Variants in SNX16 observed in about 807,000 individuals in gnomAD.
SNX16 encodes sorting nexin 16, also known as sorting nexin-16.
In SNX16, 35 loss-of-function variants were observed where a neutral mutation model predicts 36.7. The ratio of observed to expected loss-of-function variants is 0.95; its 90% CI spans 0.73 to 1.27. The LOEUF (loss-of-function observed/expected upper bound fraction) is 1.27. Ranked by LOEUF, SNX16 falls within the 50% of genes most tolerant of loss-of-function variation. The pLI is 0.00. For missense variants in SNX16, 367 were observed against 393.6 expected, an observed-to-expected ratio of 0.93 and a Z score of 0.57; for synonymous variants, 134 against 132.0, an observed-to-expected ratio of 1.02 and a Z score of -0.10.
chr8:81,807,824 C>G (rs61735737), intron 5 of SNX16: 4 of 756,644 alleles, frequency 5.3e-6, no homozygotes, highest in Non-Finnish European at 7.4e-6. Context: ...AAGCTTTTCA[C>G]TGGAAGGTTG....
chr8:81,827,293 T>A (rs1563449084), intron 3 of SNX16, among the ~76,000 whole-genome samples: 1 of 152,064 alleles, frequency 6.6e-6, no homozygotes, highest in African/African-American at 2.4e-5. Flanking sequence ...AATAACAGTA[T>A]AGTCTGAAAA....
At chr8:81,816,999 A>G (rs772333860) in intron 4 of SNX16, among the ~76,000 whole-genome samples, 11 of 152,168 alleles carry the variant, frequency 7.2e-5, no homozygotes, top group Non-Finnish European at 1.0e-4. Context: ...TCTGATGTAG[A>G]TATTATGCTT....
intron 1 of SNX16, among the ~76,000 whole-genome samples, chr8:81,841,345 A>AAAC (rs1471773112): frequency 1.3e-5 from 2 of 151,496 alleles, no homozygotes; most frequent in Non-Finnish European, 2.9e-5. Context: ...CCGTCTCAAA[A>AAAC]AAAAAAAAAA....
chr8:81,804,334 A>T (rs62514324), intron 5 of SNX16, among the ~76,000 whole-genome samples: 37,661 of 151,918 alleles, frequency 0.25, 5,222 homozygotes, highest in East Asian at 0.37. Flanking sequence ...GTAGGAATGG[A>T]GAGGAATGAA....
intron 5 of SNX16, among the ~76,000 whole-genome samples, chr8:81,809,276 T>C (rs888410815): frequency 1.3e-5 from 2 of 152,154 alleles, no homozygotes; most frequent in Admixed American, 6.5e-5. Flanking sequence ...TTAAAAGGGA[T>C]TACCCAAGCA....
chr8:81,799,618 T>C lies in SNX16; in HGVS notation c.*1879A>G, dbSNP rs1232735368. The C allele has an allele frequency of 6.6e-6, 1 of 151,968 alleles. No homozygotes were observed. Among genetic ancestry groups the C allele is most frequent in the Non-Finnish European group, 1.5e-5 (1 of 67,866 alleles). 9.4% of individuals were successfully genotyped at this position (151,968 alleles called of 1,614,324 possible). The stretch of plus-strand genomic sequence containing the variant: ...AAAATAATTTATTAAATGAACATAA[T>C]ACTGGGAGTAAAATGCATTATAAAA... On this transcript the variant is annotated 3_prime_UTR_variant, in exon 8 of 8. Coordinates refer to ENST00000345957, the MANE Select transcript of SNX16 (RefSeq NM_152836.3).
rs1325699531 is a variant in SNX16, at chr8:81,800,831, A to G, written c.*666T>C. ...TAACATATTAATAACTGTGACACTT[A>G]TTAAAGTATTTTGATATTAATGAAT... On this transcript the variant is annotated 3_prime_UTR_variant, in exon 8 of 8. Transcript: ENST00000345957. 6.6e-6 allele frequency: 1 copy of G among 152,284 alleles called. No individual in the cohort carries two copies. Among genetic ancestry groups the G allele is most frequent in the Non-Finnish European group, 1.5e-5 (1 of 67,716 alleles). The allele number at this position is 152,284 out of a possible 1,614,324, so 9.4% of individuals were successfully genotyped here. A position where few individuals can be genotyped will look rare whatever the true frequency, so the allele number is the denominator to read the frequency against.
chr8:81,836,719 C>A (rs1185391070), intron 2 of SNX16, among the ~76,000 whole-genome samples: 2 of 152,224 alleles, frequency 1.3e-5, no homozygotes, highest in Non-Finnish European at 2.9e-5. Flanking sequence ...CTAAAAGAAC[C>A]TACTAACTGC....
chr8:81,830,008 G>C (rs75858658), intron 2 of SNX16, among the ~76,000 whole-genome samples: 13,670 of 152,154 alleles, frequency 0.09, 707 homozygotes, highest in East Asian at 0.18. Context: ...AAAAGAAGAA[G>C]TCAAACTATG....
intron 2 of SNX16, among the ~76,000 whole-genome samples, chr8:81,833,337 C>G (rs1203627813): frequency 6.6e-6 from 1 of 151,726 alleles, no homozygotes; most frequent in Non-Finnish European, 1.5e-5. Context: ...ACAAACTTCT[C>G]TTTCAGCTTT....
chr8:81,811,842 C>T (rs1433967058), intron 5 of SNX16, among the ~76,000 whole-genome samples: 1 of 151,860 alleles, frequency 6.6e-6, no homozygotes, highest in Non-Finnish European at 1.5e-5. Context: ...TCTAAACGGC[C>T]CCAAATGTTA....
At chr8:81,807,305 G>C (rs1398651257) in intron 5 of SNX16, among the ~76,000 whole-genome samples, 1 of 151,776 alleles carries the variant, frequency 6.6e-6, no homozygotes, top group African/African-American at 2.4e-5. Context: ...GATCACCTGA[G>C]GTCAGGAGTT....
intron 5 of SNX16, chr8:81,808,039 G>A (rs1368205408): frequency 1.5e-5 from 14 of 912,746 alleles, no homozygotes; most frequent in Non-Finnish European, 2.5e-5. Context: ...AAAGAGAGCT[G>A]TCTCAAGGGA....
Position 81,821,512 on chromosome 8 carries a change from A to T in SNX16, c.611+2280T>A, listed in dbSNP as rs150198696. Among the ~76,000 whole-genome samples the T allele has an allele frequency of 1.6e-4, 25 of 152,116 alleles. No homozygotes were observed. The East Asian group carries it at 4.6e-3, about 28-fold the overall frequency. On this transcript the variant is annotated intron_variant, in intron 4 of 7. Coordinates refer to ENST00000345957, the MANE Select transcript of SNX16 (RefSeq NM_152836.3). The stretch of plus-strand genomic sequence containing the variant: ...CCTCTTTTATGGTATGCTATTAAAC[A>T]TATTTTCTTCCAAGGCTTTCTCTAT...
rs1317324354 is a variant in SNX16, at chr8:81,801,581, T to C, written c.951A>G (p.Lys317=). ...CAGGTTCACTAAAACTTAAGCATGGTTTATTATCAGCTCTGCAAAAAAAAA... is the reference window on the plus strand; with the variant it reads ...CAGGTTCACTAAAACTTAAGCATGGCTTATTATCAGCTCTGCAAAAAAAAA... ...VLDEESRADN[K]PCLSFSEPEN... The change falls in exon 8 of 8, where the codon AAA becomes AAG. Residue 317 remains lysine (K), a synonymous_variant. Coordinates refer to ENST00000345957, the MANE Select transcript of SNX16 (RefSeq NM_152836.3). 6.3e-7 allele frequency: 1 copy of C among 1,578,734 alleles called. No individual in the cohort carries two copies. Among genetic ancestry groups the C allele is most frequent in the South Asian group, 1.1e-5 (1 of 87,532 alleles).
chr8:81,803,276 C>T, intron 5 of SNX16, 48 bp from the exon 6 acceptor site: 1 of 1,525,786 alleles, frequency 6.6e-7, no homozygotes. Flanking sequence ...AAAAAGAATA[C>T]AATTAATTAC....
At chr8:81,808,566 T>A (rs1810078487) in intron 5 of SNX16, 1 of 997,520 alleles carries the variant, frequency 1.0e-6, no homozygotes, top group Admixed American at 1.7e-5. Context: ...TTTTGGCAGT[T>A]ACAACAATCA....
intron 3 of SNX16, among the ~76,000 whole-genome samples, chr8:81,826,980 T>C (rs1231115897): frequency 6.6e-6 from 1 of 152,184 alleles, no homozygotes; most frequent in African/African-American, 2.4e-5. Context: ...GCTTTTATTT[T>C]TTACAATTAT....
At chr8:81,806,333 C>T (rs902767708) in intron 5 of SNX16, among the ~76,000 whole-genome samples, 5 of 152,052 alleles carry the variant, frequency 3.3e-5, no homozygotes, top group East Asian at 1.9e-4. Flanking sequence ...GCTGAATTTG[C>T]GTTAATCTCA....
Sources: allele counts gnomAD v4.1 joint callset (sites outside exome capture counted in the v4.1 genomes callset), GRCh38; gene constraint gnomAD v4.1.1; transcripts MANE v1.5; gene names NCBI Gene and HGNC (gene_info 2026-07-23, HGNC 2026-07-21).